Variants in DLG3 observed in about 807,000 individuals in gnomAD.
The protein encoded by DLG3 is discs large MAGUK scaffold protein 3.
DLG3 carries 1 observed loss-of-function variant against 64.1 expected under a neutral mutation model. The observed-to-expected ratio is 0.02, with a 90% confidence interval of 0.01 to 0.07. The LOEUF (loss-of-function observed/expected upper bound fraction) is 0.07, where lower values mean the gene tolerates loss of function less well. Ranked by LOEUF, DLG3 falls within the 10% of genes least tolerant of loss-of-function variation. DLG3 has a pLI of 1.00. For synonymous variants in DLG3, 245 were observed against 259.8 expected, an observed-to-expected ratio of 0.94 and a Z score of 0.55; for missense variants, 429 against 669.5, an observed-to-expected ratio of 0.64 and a Z score of 3.96.
intron 9 of DLG3, among the ~76,000 whole-genome samples, chrX:70,477,712 C>T (rs991990900): frequency 1.8e-5 from 2 of 111,847 alleles, no homozygotes; most frequent in African/African-American, 6.5e-5. Context: ...ATAACACCGG[C>T]GTGTGATGAA....
At position 70,482,662 on chromosome X, in the gene DLG3, GTTT is replaced by G. The variant is rs774419870; in HGVS notation, c.1520+3419_1520+3421del. On this transcript the variant is annotated intron_variant, in intron 10 of 18. Coordinates refer to ENST00000374360, the MANE Select transcript of DLG3 (RefSeq NM_021120.4). Reference sequence around the variant, plus strand: ...AGGTTTGGGAAAATACATGTGTGGTGTTTTTTTTTTTTTTTTTTTTTTTGACGG... The same window carrying G: ...AGGTTTGGGAAAATACATGTGTGGTGTTTTTTTTTTTTTTTTTTTTGACGG... 3.5e-3 allele frequency among the ~76,000 whole-genome samples: 233 copies of G among 66,058 alleles called. 1 individual carries two copies. Among genetic ancestry groups the G allele is most frequent in the African/African-American group, 0.013 (213 of 16,471 alleles). The allele number at this position is 66,058 out of a possible 115,157, so 57.4% of individuals were successfully genotyped here. A position where few individuals can be genotyped will look rare whatever the true frequency, so the allele number is the denominator to read the frequency against.
At chrX:70,491,671 G>C (rs1255375248) in intron 10 of DLG3, among the ~76,000 whole-genome samples, 1 of 112,084 alleles carries the variant, frequency 8.9e-6, no homozygotes, top group East Asian at 2.8e-4. Context: ...AGTGCTTCAG[G>C]AGTGTTTACC....
At chrX:70,480,993 A>G (rs1190207645) in intron 10 of DLG3, among the ~76,000 whole-genome samples, 1 of 112,177 alleles carries the variant, frequency 8.9e-6, no homozygotes, top group East Asian at 2.8e-4. Flanking sequence ...ATCAGTTTAT[A>G]TAATCTGCCC....
At chrX:70,497,265 T>C (rs1165177219) in intron 13 of DLG3, 1 of 1,154,421 alleles carries the variant, frequency 8.7e-7, no homozygotes, top group Non-Finnish European at 1.2e-6. Flanking sequence ...CTCCACTGTG[T>C]ATCCCAGCCA....
chrX:70,467,096 T>C (rs1019121682), intron 9 of DLG3, among the ~76,000 whole-genome samples: 10 of 110,808 alleles, frequency 9.0e-5, no homozygotes, highest in Non-Finnish European at 1.9e-4. Flanking sequence ...GTGGTTTTTT[T>C]GTAGAGATGG....
At chrX:70,486,383 C>T (rs2087254603) in intron 10 of DLG3, among the ~76,000 whole-genome samples, 1 of 111,919 alleles carries the variant, frequency 8.9e-6, no homozygotes, top group African/African-American at 3.2e-5. Flanking sequence ...TTTATTCTCT[C>T]ATGGCACAGT....
chrX:70,448,484 G>T lies in DLG3; in HGVS notation c.358-429G>T. On this transcript the variant is annotated intron_variant, in intron 1 of 18. Coordinates refer to ENST00000374360, the MANE Select transcript of DLG3 (RefSeq NM_021120.4). ...GTCAGGGAGAACTGTGGTTCAGAAG[G>T]GGAAGGGTTATCTGTCTAGGCCACT... is the stretch of plus-strand genomic sequence containing the variant. 1.1e-5 allele frequency: 8 copies of T among 746,100 alleles called. No homozygotes were observed. In the South Asian group the frequency reaches 2.1e-4, roughly 20 times the overall value. 61.5% of individuals were successfully genotyped at this position (746,100 alleles called of 1,213,427 possible).
chrX:70,475,197 A>C (rs184754357), intron 9 of DLG3, among the ~76,000 whole-genome samples: 173 of 110,963 alleles, frequency 1.6e-3, no homozygotes, highest in East Asian at 6.2e-3. Context: ...ACAAAAAAAA[A>C]CCCACAAATA....
intron 9 of DLG3, among the ~76,000 whole-genome samples, chrX:70,459,941 A>G (rs756898653): frequency 1.4e-4 from 16 of 111,286 alleles, no homozygotes; most frequent in Non-Finnish European, 2.6e-4. Flanking sequence ...AGCAGAAGAT[A>G]TCACTCTGAG....
intron 13 of DLG3, among the ~76,000 whole-genome samples, chrX:70,496,594 T>C (rs1275468373): frequency 1.8e-5 from 2 of 112,530 alleles, no homozygotes; most frequent in African/African-American, 6.5e-5. Context: ...TGGTGGTGGA[T>C]GGAGATGCTT....
Position 70,445,284 on chromosome X carries a change from C to T in DLG3, c.83C>T (p.Pro28Leu). ...GCCGCCCTGCGGCGCCTCGAGCCTC[C>T]GGGCTACGGCGACTGGCAAGTCCCC... ...RLAALRRLEP[P>L]GYGDWQVPDP... The change falls in exon 1 of 19, where the codon CCG becomes CTG. Residue 28 changes from proline to leucine, a missense_variant. Pro to Leu is a moderately conservative substitution (Grantham distance 98). This residue lies in a region of DLG3 where 123 missense variants were observed against 113.3 expected (regional missense o/e 1.09). Transcript: ENST00000374360. 1.7e-6 allele frequency: 2 copies of T among 1,164,761 alleles called. No individual in the cohort carries two copies. Among genetic ancestry groups the T allele is most frequent in the Middle Eastern group, 2.5e-4 (1 of 4,080 alleles).
chrX:70,500,727 G>A, intron 17 of DLG3, 147 bp downstream of exon 17: 2 of 671,202 alleles, frequency 3.0e-6, no homozygotes, highest in Non-Finnish European at 4.7e-6. Flanking sequence ...TTGAGGGCTT[G>A]TGCATATGTT....
intron 9 of DLG3, among the ~76,000 whole-genome samples, chrX:70,459,163 A>G (rs2086762772): frequency 8.9e-6 from 1 of 112,261 alleles, no homozygotes; most frequent in Non-Finnish European, 1.9e-5. Flanking sequence ...GAAATTGGTC[A>G]TTAAGGTAGC....
chrX:70,452,573 C>T (rs1005493116), intron 7 of DLG3: 10 of 1,166,623 alleles, frequency 8.6e-6, no homozygotes, highest in Middle Eastern at 3.2e-4. Context: ...GGCGGGCAGG[C>T]AGCAGTGGAG....
intron 7 of DLG3, chrX:70,452,256 G>T (rs368436080): frequency 8.4e-6 from 9 of 1,070,003 alleles, no homozygotes; most frequent in South Asian, 5.2e-5. Flanking sequence ...CGAGTGAGTG[G>T]CCCCGGTCCA....
At chrX:70,456,751 CT>C (rs71909380) in intron 9 of DLG3, among the ~76,000 whole-genome samples, 15,906 of 103,499 alleles carry the variant, frequency 0.15, 1,116 homozygotes, top group Non-Finnish European at 0.2. Flanking sequence ...CATGCAAAAG[CT>C]TTTTTTTTTT....
chrX:70,492,086 A>G (rs1355338091), intron 10 of DLG3, 21 bp from the exon 11 acceptor site: 5 of 1,166,555 alleles, frequency 4.3e-6, no homozygotes, highest in African/African-American at 3.6e-5. Context: ...TGATCACTTC[A>G]TCTTTCACTG....
intron 9 of DLG3, among the ~76,000 whole-genome samples, chrX:70,467,675 G>A (rs1263989668): frequency 8.9e-6 from 1 of 112,193 alleles, no homozygotes; most frequent in Non-Finnish European, 1.9e-5. Flanking sequence ...CATAAAATGT[G>A]TGTGTTTTAG....
chrX:70,488,301 C>T (rs757348958), intron 10 of DLG3, among the ~76,000 whole-genome samples: 326 of 111,987 alleles, frequency 2.9e-3, no homozygotes, highest in Non-Finnish European at 5.2e-3. Flanking sequence ...TGAGCCACTG[C>T]ACCCGGCCGA....
Sources: allele counts gnomAD v4.1 joint callset (sites outside exome capture counted in the v4.1 genomes callset), GRCh38; gene constraint gnomAD v4.1.1; regional missense constraint gnomAD v4.1.1; transcripts MANE v1.5; gene names NCBI Gene and HGNC (gene_info 2026-07-23, HGNC 2026-07-21).